PCDHGA10: variants seen among roughly 807,000 people sequenced by gnomAD.
The protein encoded by PCDHGA10 is protocadherin gamma-A10.
A neutral mutation model predicts 59.5 loss-of-function variants in PCDHGA10; 42 were observed. That is an observed-to-expected ratio of 0.71 (90% CI 0.55 to 0.91). The LOEUF is 0.91. PCDHGA10 is among the 40% of genes least tolerant of loss of function. The pLI is 0.00. For synonymous variants in PCDHGA10, 511 were observed against 517.2 expected (o/e 0.99, Z 0.16); for missense variants, 1,111 against 1,198.2 (o/e 0.93, Z 1.07).
chr5:141,425,241 AG>A (rs2096863585), intron 1 of PCDHGA10, among the ~76,000 whole-genome samples: 1 of 152,220 alleles, frequency 6.6e-6, no homozygotes, highest in Admixed American at 6.5e-5. Flanking sequence ...TTAAATAAAA[AG>A]GATATGAGGT....
chr5:141,413,266 GGA>G lies in PCDHGA10; in HGVS notation c.93_94del (p.Ala32ProfsTer9). Reference protein sequence around the residue: ...CLFFGIPWEAGARQISYSIPE... With the variant: ...CLFFGIPWEAXARQISYSIPE... ...TTTCTTCGGGATTCCATGGGAGGCT[GGA>G]GCCCGGCAGATCTCCTACTCAATTC... On this transcript the variant is annotated frameshift_variant, in exon 1 of 4. Transcript: ENST00000398610. LOFTEE classifies it high-confidence loss of function. 6.2e-7 allele frequency: 1 copy of G among 1,613,962 alleles called. No individual in the cohort carries two copies. Among genetic ancestry groups the G allele is most frequent in the South Asian group, 1.1e-5 (1 of 91,090 alleles).
At chr5:141,505,202 T>C (rs778935321) in intron 2 of PCDHGA10, among the ~76,000 whole-genome samples, 191 bp from the exon 3 acceptor site, 3 of 152,012 alleles carry the variant, frequency 2.0e-5, no homozygotes, top group Non-Finnish European at 4.4e-5. Flanking sequence ...AAAGAGCTGG[T>C]TTGAGGGACT....
chr5:141,415,740 GTTTTTTTTTTTTTTT>G (rs57426385), intron 1 of PCDHGA10, 129 bp downstream of exon 1: 171 of 625,014 alleles, frequency 2.7e-4, no homozygotes, highest in East Asian at 8.8e-4. Flanking sequence ...GTTTATTAAG[GTTTTTTTTTTTTTTT>G]TTTTTTTTTT....
At chr5:141,422,966 C>A (rs762530904) in intron 1 of PCDHGA10, 1 of 1,614,112 alleles carries the variant, frequency 6.2e-7, no homozygotes, top group Admixed American at 1.7e-5. Flanking sequence ...GAGCTGGCGC[C>A]CCGCTCTGCG....
At position 141,476,499 on chromosome 5, in the gene PCDHGA10, T is replaced by A. The variant is rs763373223; in HGVS notation, c.2437-18308T>A. On this transcript the variant is annotated intron_variant, in intron 1 of 3. Coordinates refer to ENST00000398610, the MANE Select transcript of PCDHGA10 (RefSeq NM_018913.3). This position sits in a 1 kb window ranked among gnomAD's most constrained non-coding sequence, Gnocchi z 7.6. Reference sequence around the variant, plus strand: ...AGCGTGGAAGTGGTGATCCAGGACATCAACGACAACAATCCTGCTTTCCCT... The same window carrying A: ...AGCGTGGAAGTGGTGATCCAGGACAACAACGACAACAATCCTGCTTTCCCT... 3.1e-6 allele frequency: 5 copies of A among 1,613,992 alleles called. No individual in the cohort carries two copies. The South Asian group carries it at 5.5e-5, about 18-fold the overall frequency.
chr5:141,482,574 A>C (rs1294997781), intron 1 of PCDHGA10, among the ~76,000 whole-genome samples: 2 of 151,592 alleles, frequency 1.3e-5, no homozygotes, highest in Non-Finnish European at 2.9e-5. Context: ...GCATAGCATA[A>C]GATGCAGTGG....
chr5:141,449,693 G>A (rs2098652097), intron 1 of PCDHGA10, among the ~76,000 whole-genome samples: 1 of 150,164 alleles, frequency 6.7e-6, no homozygotes, highest in South Asian at 2.1e-4. Flanking sequence ...TTGTGTGTAT[G>A]TACACAAACA....
intron 1 of PCDHGA10, among the ~76,000 whole-genome samples, chr5:141,472,611 G>T (rs1055885253): frequency 1.3e-5 from 2 of 151,938 alleles, no homozygotes; most frequent in South Asian, 4.1e-4. Context: ...ATAAAACAAA[G>T]AAGAAAAAAG....
intron 1 of PCDHGA10, among the ~76,000 whole-genome samples, chr5:141,434,054 C>T (rs1241950753): frequency 6.6e-6 from 1 of 152,094 alleles, no homozygotes; most frequent in Non-Finnish European, 1.5e-5. Flanking sequence ...ATTCAATGGC[C>T]TGTAATCTGT....
chr5:141,502,238 T>C (rs2099813398), intron 2 of PCDHGA10, among the ~76,000 whole-genome samples: 1 of 152,204 alleles, frequency 6.6e-6, no homozygotes, highest in Admixed American at 6.5e-5. Flanking sequence ...TGTGTTCTTT[T>C]ATCCTTTTTT....
rs1399077321 is a variant in PCDHGA10, at chr5:141,474,090, AAAC to A, written c.2437-20708_2437-20706del. Among the ~76,000 whole-genome samples the A allele has an allele frequency of 2.6e-5, 4 of 152,206 alleles. No individual in the cohort carries two copies. In the East Asian group the frequency reaches 5.8e-4, roughly 22 times the overall value. On this transcript the variant is annotated intron_variant, in intron 1 of 3. Coordinates refer to ENST00000398610, the MANE Select transcript of PCDHGA10 (RefSeq NM_018913.3). ...GCCTCAGAAACAAAAACCAAAAAAC[AAAC>A]AACAACAAAAACAACAACAACGAAA...
At chr5:141,484,383 A>C (rs968059260) in intron 1 of PCDHGA10, among the ~76,000 whole-genome samples, 1 of 152,194 alleles carries the variant, frequency 6.6e-6, no homozygotes, top group Non-Finnish European at 1.5e-5. Context: ...ATGTCTGAAT[A>C]AGAAAGGTTT....
chr5:141,479,710 T>C (rs901198074), intron 1 of PCDHGA10: 1 of 152,264 alleles, frequency 6.6e-6, no homozygotes, highest in African/African-American at 2.4e-5. Flanking sequence ...GTCCCTGTCC[T>C]TCCAGCCTTA....
intron 2 of PCDHGA10, among the ~76,000 whole-genome samples, chr5:141,500,421 G>A (rs1247202322): frequency 6.6e-6 from 1 of 151,852 alleles, no homozygotes; most frequent in Non-Finnish European, 1.5e-5. Flanking sequence ...GTGTTAGCCA[G>A]GATGGTCTCG....
intron 1 of PCDHGA10, among the ~76,000 whole-genome samples, chr5:141,481,039 C>T (rs748434260): frequency 4.6e-5 from 7 of 152,048 alleles, no homozygotes; most frequent in Non-Finnish European, 8.8e-5. Flanking sequence ...GCCTGGGCGA[C>T]AGAGCGAGAC....
In PCDHGA10 at chr5:141,415,394, C is replaced by A. The variant is rs893251079; in HGVS notation, c.2219C>A (p.Ser740Tyr). Reference sequence around the variant, plus strand: ...TCAGGAGGCGGCTTGACAGGTGTGTCCGGCTCGCACTTTGTGGGCGTGGAC... The same window carrying A: ...TCAGGAGGCGGCTTGACAGGTGTGTACGGCTCGCACTTTGTGGGCGTGGAC... ...QASGGGLTGV[S>Y]GSHFVGVDGV... The change falls in exon 1 of 4, where the codon TCC (serine) becomes TAC (tyrosine). Residue 740 changes from serine to tyrosine, a missense_variant. Transcript: ENST00000398610. 1.8e-5 allele frequency: 29 copies of A among 1,614,110 alleles called. No individual in the cohort carries two copies. Among genetic ancestry groups the A allele is most frequent in the Non-Finnish European group, 2.3e-5 (27 of 1,180,036 alleles).
chr5:141,427,638 C>A, intron 1 of PCDHGA10: 1 of 708,528 alleles, frequency 1.4e-6, no homozygotes, highest in East Asian at 2.7e-5. Context: ...GGTTTTCCAC[C>A]AAGTCTCCTA....
intron 1 of PCDHGA10, among the ~76,000 whole-genome samples, chr5:141,454,907 A>T (rs1304287479): frequency 1.4e-5 from 2 of 139,080 alleles, no homozygotes; most frequent in East Asian, 4.3e-4. Context: ...TCCCGGGTTC[A>T]CGCCATTCTC....
intron 1 of PCDHGA10, chr5:141,423,108 GC>G: frequency 1.2e-6 from 2 of 1,613,864 alleles, no homozygotes; most frequent in African/African-American, 2.7e-5. Flanking sequence ...CGGGCGAGGT[GC>G]GTACAGCGCG....
Sources: gnomAD v4.1 joint callset for allele counts (sites outside exome capture counted in the v4.1 genomes callset) on GRCh38, gnomAD v4.1.1 for gene constraint, Gnocchi (gnomAD v3.1) non-coding constraint, MANE v1.5 for transcripts, NCBI Gene and HGNC (gene_info 2026-07-23, HGNC 2026-07-21) for gene names.